The following SND1 variants were observed in gnomAD, a reference collection of about 807,000 sequenced individuals.
The protein encoded by SND1 is staphylococcal nuclease domain-containing protein 1.
Under a neutral mutation model 121.7 loss-of-function variants are expected in SND1, and 38 were observed. The ratio of observed to expected loss-of-function variants is 0.31; its 90% CI spans 0.24 to 0.41. SND1 has a LOEUF of 0.41. Among genes scored for constraint, SND1 ranks in the 10% least tolerant of loss-of-function variants. The pLI is 1.00. For missense variants in SND1, 868 were observed against 1,184.6 expected, an observed-to-expected ratio of 0.73 and a Z score of 3.92; for synonymous variants, 401 against 447.4, an observed-to-expected ratio of 0.90 and a Z score of 1.31.
At chr7:127,849,575 G>T (rs545834599) in intron 12 of SND1, among the ~76,000 whole-genome samples, 2 of 152,218 alleles carry the variant, frequency 1.3e-5, no homozygotes, top group East Asian at 1.9e-4. Context: ...AGTCACTAAG[G>T]CACTTCCCTA....
At chr7:127,688,562 A>AG in intron 2 of SND1, among the ~76,000 whole-genome samples, 1 of 151,508 alleles carries the variant, frequency 6.6e-6, no homozygotes. Flanking sequence ...AAAAAAAAAA[A>AG]AAAGAAAAAA....
At chr7:127,814,161 C>T (rs1188506466) in intron 11 of SND1, among the ~76,000 whole-genome samples, 3 of 152,098 alleles carry the variant, frequency 2.0e-5, no homozygotes, top group African/African-American at 7.2e-5. Flanking sequence ...TGTCTTAAGC[C>T]ACCCACTCCT....
intron 10 of SND1, among the ~76,000 whole-genome samples, chr7:127,807,043 T>C (rs1158001203): frequency 1.3e-5 from 2 of 152,218 alleles, no homozygotes; most frequent in African/African-American, 4.8e-5. Flanking sequence ...TTTCATAATT[T>C]TTGAGTCCAG....
intron 10 of SND1, among the ~76,000 whole-genome samples, chr7:127,742,548 C>T (rs948940039): frequency 3.9e-5 from 6 of 151,920 alleles, no homozygotes; most frequent in Non-Finnish European, 8.8e-5. Context: ...CCTATTAATG[C>T]CTGTCTGTCA....
intron 16 of SND1, among the ~76,000 whole-genome samples, chr7:128,061,153 G>C (rs1288404877): frequency 6.6e-6 from 1 of 152,188 alleles, no homozygotes; most frequent in East Asian, 1.9e-4. Flanking sequence ...CTTGTTAACG[G>C]AATTGTATTT....
At chr7:127,872,071 G>A (rs1376142644) in intron 12 of SND1, among the ~76,000 whole-genome samples, 1 of 152,274 alleles carries the variant, frequency 6.6e-6, no homozygotes, top group Admixed American at 6.5e-5. Context: ...GTTCGAGTCT[G>A]TGGTGAGCTA....
chr7:128,003,121 C>T (rs1802877389), intron 16 of SND1, among the ~76,000 whole-genome samples: 1 of 152,060 alleles, frequency 6.6e-6, no homozygotes, highest in Non-Finnish European at 1.5e-5. Flanking sequence ...ACTCAGGAGG[C>T]TGAGGCCAAG....
At chr7:127,718,527 G>A in intron 9 of SND1, 1 of 982,192 alleles carries the variant, frequency 1.0e-6, no homozygotes, top group Non-Finnish European at 1.2e-6. Flanking sequence ...ATCTTCACCA[G>A]CAAGCTAAAC....
At chr7:127,781,400 A>AAT (rs1797718816) in intron 10 of SND1, among the ~76,000 whole-genome samples, 2 of 151,410 alleles carry the variant, frequency 1.3e-5, no homozygotes, top group African/African-American at 2.4e-5. Flanking sequence ...TCATTATACT[A>AAT]ATATATATAA....
At chr7:127,799,279 C>T (rs1798084087) in intron 10 of SND1, among the ~76,000 whole-genome samples, 1 of 152,154 alleles carries the variant, frequency 6.6e-6, no homozygotes, top group African/African-American at 2.4e-5. Flanking sequence ...AAAATCCCAG[C>T]TTTGCTATTA....
chr7:127,686,825 C>T (rs779283458), intron 2 of SND1, 63 bp downstream of exon 2: 139 of 1,526,408 alleles, frequency 9.1e-5, no homozygotes, highest in Non-Finnish European at 1.1e-4. Flanking sequence ...TGTCTTCTGT[C>T]GCTGATGCCA....
intron 12 of SND1, among the ~76,000 whole-genome samples, chr7:127,864,638 G>A (rs1292122386): frequency 2.6e-5 from 4 of 151,198 alleles, no homozygotes; most frequent in African/African-American, 7.3e-5. Flanking sequence ...TTTCATTCTC[G>A]CCAGTTCAGT....
intron 15 of SND1, among the ~76,000 whole-genome samples, chr7:127,967,848 G>A (rs897888553): frequency 6.6e-6 from 1 of 152,120 alleles, no homozygotes; most frequent in East Asian, 1.9e-4. Context: ...GCCCTGGCTC[G>A]GACCATGATT....
At chr7:127,788,122 G>A (rs891572096) in intron 10 of SND1, among the ~76,000 whole-genome samples, 6 of 152,176 alleles carry the variant, frequency 3.9e-5, no homozygotes, top group African/African-American at 9.7e-5. Context: ...TTTACAGGCC[G>A]ATGGGCATTT....
At chr7:127,858,410 G>C (rs1403964213) in intron 12 of SND1, 1 of 1,074,964 alleles carries the variant, frequency 9.3e-7, no homozygotes, top group African/African-American at 1.6e-5. Context: ...CTCCAAGAAG[G>C]CTTGGGCACT....
intron 10 of SND1, among the ~76,000 whole-genome samples, chr7:127,795,535 G>T (rs1403417916): frequency 4.6e-5 from 7 of 152,076 alleles, no homozygotes; most frequent in Admixed American, 3.3e-4. Context: ...ACTCTGAATG[G>T]TATTATATGT....
chr7:127,997,956 C>T (rs1802710171), intron 16 of SND1: 1 of 534,696 alleles, frequency 1.9e-6, no homozygotes. Flanking sequence ...CCACAGCACC[C>T]TGTGCATGTA....
intron 11 of SND1, among the ~76,000 whole-genome samples, chr7:127,815,577 T>TGTGA (rs1798423788): frequency 6.6e-6 from 1 of 151,888 alleles, no homozygotes; most frequent in African/African-American, 2.4e-5. Context: ...AAAGAGACCA[T>TGTGA]GTGACAGTGG....
intron 10 of SND1, among the ~76,000 whole-genome samples, chr7:127,771,687 A>G (rs1194195951): frequency 6.6e-6 from 1 of 152,184 alleles, no homozygotes; most frequent in Non-Finnish European, 1.5e-5. Flanking sequence ...TTTGAGATGA[A>G]ACTTAGTCAC....
Sources: allele counts gnomAD v4.1 joint callset (sites outside exome capture counted in the v4.1 genomes callset), GRCh38; gene constraint gnomAD v4.1.1; transcripts MANE v1.5; gene names NCBI Gene and HGNC (gene_info 2026-07-23, HGNC 2026-07-21).